SNX19: variants seen among roughly 807,000 people sequenced by gnomAD.
The protein encoded by SNX19 is sorting nexin-19.
In SNX19, 60 loss-of-function variants were observed where a neutral mutation model predicts 85.2. The observed-to-expected ratio is 0.70, with a 90% confidence interval of 0.57 to 0.87. SNX19 has a LOEUF of 0.87. SNX19 is among the 40% of genes least tolerant of loss of function. SNX19 has a pLI of 0.00. For missense variants in SNX19, 1,201 were observed against 1,217.8 expected, an observed-to-expected ratio of 0.99 and a Z score of 0.21; for synonymous variants, 520 against 470.0, an observed-to-expected ratio of 1.11 and a Z score of -1.38.
chr11:130,904,809 A>T (rs575347153), intron 7 of SNX19, among the ~76,000 whole-genome samples: 1 of 152,072 alleles, frequency 6.6e-6, no homozygotes, highest in East Asian at 1.9e-4. Context: ...TACAGGCTGG[A>T]CTTTGCCTAG....
chr11:130,904,573 A>C (rs1375403855), intron 7 of SNX19, among the ~76,000 whole-genome samples: 5 of 152,150 alleles, frequency 3.3e-5, no homozygotes, highest in Non-Finnish European at 5.9e-5. Context: ...CAATTGTATG[A>C]TTCTCTCAGG....
At chr11:130,903,162 T>TA in intron 8 of SNX19, 93 bp downstream of exon 8, 1 of 1,549,682 alleles carries the variant, frequency 6.5e-7, no homozygotes, top group Non-Finnish European at 8.8e-7. Flanking sequence ...TATCTTCTCT[T>TA]ACGGCTGCAG....
In SNX19 at chr11:130,879,679, A is replaced by G. The variant is rs1419691624; in HGVS notation, c.2791T>C (p.Cys931Arg). The G allele has an allele frequency of 5.0e-6, 8 of 1,613,862 alleles. No homozygotes were observed. The South Asian group carries it at 6.6e-5, about 13-fold the overall frequency. ...LVVEILGVNK[C>R]RLSWGLVLES... The stretch of plus-strand genomic sequence containing the variant: ...AGGACTAGACCCCAGCTCAGCCGGC[A>G]TTTGTTCACCCCAAGAATTTCTACT... The change falls in exon 10 of 11, where the codon TGC becomes CGC. Residue 931 changes from cysteine to arginine, a missense_variant. This residue lies in a region of SNX19 where 285 missense variants were observed against 295.3 expected (regional missense o/e 0.97). Transcript: ENST00000265909.
Position 130,915,045 on chromosome 11 carries a change from G to A in SNX19, c.895C>T (p.Gln299Ter), listed in dbSNP as rs1442260576. The stretch of plus-strand genomic sequence containing the variant: ...GGAGAAGCTCTCCCTTCTGGAAGCT[G>A]CTCTACCTCAGCAATCAGTGGCAGA... ...TSLPLIAEVE[Q>*]LPEGRASPVA... The change falls in exon 1 of 11, where the codon CAG becomes TAG. Residue 299 changes from glutamine to a stop codon, truncating the protein, a stop_gained. Transcript: ENST00000265909. LOFTEE classifies it high-confidence loss of function. 1.2e-6 allele frequency: 2 copies of A among 1,614,140 alleles called. No homozygotes were observed. The highest frequency in any genetic ancestry group is 1.7e-6 in the Non-Finnish European group (2 of 1,180,018).
chr11:130,894,705 AG>A (rs1423826529), intron 8 of SNX19: 1 of 985,356 alleles, frequency 1.0e-6, no homozygotes, highest in Admixed American at 6.1e-5. Context: ...ACATTCAGAA[AG>A]AAGCTGGCTA....
chr11:130,868,416 G>GC lies in SNX19; in HGVS notation c.*10005dup, dbSNP rs1304011987. 6.6e-6 allele frequency: 1 copy of GC among 152,154 alleles called. No individual in the cohort carries two copies. Among genetic ancestry groups the GC allele is most frequent in the Non-Finnish European group, 1.5e-5 (1 of 68,054 alleles). 9.4% of individuals were successfully genotyped at this position (152,154 alleles called of 1,614,324 possible). On this transcript the variant is annotated 3_prime_UTR_variant, in exon 11 of 11. Coordinates refer to ENST00000265909, the MANE Select transcript of SNX19 (RefSeq NM_014758.3). ...TTTTTTTTCCTGTGGCGATACAGAG[G>GC]CCCCTTCACCCCAGCAACCAAGAGG... is the stretch of plus-strand genomic sequence containing the variant.
chr11:130,916,006 G>T lies in SNX19; in HGVS notation c.-67C>A, dbSNP rs536443019. 1.9e-5 allele frequency: 27 copies of T among 1,422,112 alleles called. No homozygotes were observed. In the Admixed American group the frequency reaches 4.6e-4, roughly 24 times the overall value. 88.1% of individuals were successfully genotyped at this position (1,422,112 alleles called of 1,614,324 possible). A position where few individuals can be genotyped will look rare whatever the true frequency, so the allele number is the denominator to read the frequency against. On this transcript the variant is annotated 5_prime_UTR_variant, in exon 1 of 11. Transcript: ENST00000265909. ...AGATTTTACTTCAGAGTTAGGGAAG[G>T]GGGGCATGAACTGTGTCTCAGATAT...
intron 6 of SNX19, 129 bp downstream of exon 6, chr11:130,906,496 G>A (rs1004443042): frequency 1.4e-6 from 1 of 717,690 alleles, no homozygotes; most frequent in South Asian, 1.7e-5. Flanking sequence ...ATAAAAGCTG[G>A]AGATCCAAAC....
Position 130,908,101 on chromosome 11 carries a change from G to A in SNX19, c.2035-18C>T, listed in dbSNP as rs1212713599. 1.2e-6 allele frequency: 2 copies of A among 1,612,722 alleles called. No homozygotes were observed. Among genetic ancestry groups the A allele is most frequent in the Non-Finnish European group, 1.7e-6 (2 of 1,179,416 alleles). The stretch of plus-strand genomic sequence containing the variant: ...ACCACCATCTGCAGGGGTCAGAGGT[G>A]CAGGGTCAGTCCATCCACATCCACA... On this transcript the variant is annotated intron_variant, in intron 4 of 10. Coordinates refer to ENST00000265909, the MANE Select transcript of SNX19 (RefSeq NM_014758.3).
rs555744246 is a variant in SNX19, at chr11:130,868,468, T to C, written c.*9954A>G. The C allele has an allele frequency of 1.3e-5, 2 of 152,238 alleles. No homozygotes were observed. The highest frequency in any genetic ancestry group is 4.2e-4 in the South Asian group (2 of 4,816). The allele number at this position is 152,238 out of a possible 1,614,324, so 9.4% of individuals were successfully genotyped here. A position where few individuals can be genotyped will look rare whatever the true frequency, so the allele number is the denominator to read the frequency against. On this transcript the variant is annotated 3_prime_UTR_variant, in exon 11 of 11. Transcript: ENST00000265909. The stretch of plus-strand genomic sequence containing the variant: ...TACAGCTGGATATGTGCTTATGAGA[T>C]GGGTCATAGTTAAGAGCTGCCAGCC...
chr11:130,905,990 T>G lies in SNX19; in HGVS notation c.2406A>C (p.Ala802=), dbSNP rs567811431. Residue 802 remains alanine, a synonymous_variant, in exon 7 of 11, where the codon GCA becomes GCC. Transcript: ENST00000265909. ...TGCTGGGGTCTTGGGCTGGCACGGC[T>G]GCATCTGACACGCAACTGTCCACAC... ...KGRVDSCVSD[A]AVPAQDPSNS... The G allele has an allele frequency of 6.2e-7, 1 of 1,614,254 alleles. No individual in the cohort carries two copies. The highest frequency in any genetic ancestry group is 1.3e-5 in the African/African-American group (1 of 75,074).
At chr11:130,879,474 A>G in intron 10 of SNX19, 150 bp downstream of exon 10, 1 of 616,314 alleles carries the variant, frequency 1.6e-6, no homozygotes, top group South Asian at 2.1e-5. Flanking sequence ...GTGGATCTGG[A>G]CGTCAAACTC....
chr11:130,876,694 A>G lies in SNX19; in HGVS notation c.*1728T>C, dbSNP rs747820868. The G allele has an allele frequency of 6.6e-6, 1 of 152,660 alleles. No homozygotes were observed. The highest frequency in any genetic ancestry group is 1.5e-5 in the Non-Finnish European group (1 of 68,048). The allele number at this position is 152,660 out of a possible 1,614,324, so 9.5% of individuals were successfully genotyped here. A position where few individuals can be genotyped will look rare whatever the true frequency, so the allele number is the denominator to read the frequency against. On this transcript the variant is annotated 3_prime_UTR_variant, in exon 11 of 11. Transcript: ENST00000265909. ...TCTTAGCCCTCACTGAAGGAGCTTA[A>G]TGATCAGCTCTAATACATTGGCTGG...
chr11:130,894,700 C>A (rs1363317426), intron 8 of SNX19: 4 of 985,292 alleles, frequency 4.1e-6, no homozygotes, highest in Non-Finnish European at 4.8e-6. Context: ...AACACACATT[C>A]AGAAAGAAGC....
chr11:130,882,326 C>A (rs752632203), intron 8 of SNX19, among the ~76,000 whole-genome samples: 1 of 152,214 alleles, frequency 6.6e-6, no homozygotes, highest in Non-Finnish European at 1.5e-5. Context: ...CATCACTCCT[C>A]GCTCCTATAC....
intron 7 of SNX19, among the ~76,000 whole-genome samples, chr11:130,904,963 GA>G (rs1212039415): frequency 1.3e-5 from 2 of 152,134 alleles, no homozygotes; most frequent in South Asian, 4.1e-4. Context: ...ATTTTTCACA[GA>G]CTTAAATTGA....
chr11:130,906,629 T>A lies in SNX19; in HGVS notation c.2258A>T (p.Asn753Ile). Residue 753 changes from asparagine to isoleucine, a missense_variant, in exon 6 of 11, where the codon AAT becomes ATT. This residue lies in a region of SNX19 where 285 missense variants were observed against 295.3 expected (regional missense o/e 0.97). Transcript: ENST00000265909. ...DKILYCLQEG[N>I]VESETLSMSA... ...TCTCTGGGTTTTGGTTCTTACCACA[T>A]TGCCTTCCTGGAGACAATAAAGAAT... The A allele has an allele frequency of 1.2e-6, 2 of 1,608,874 alleles. No individual in the cohort carries two copies. The highest frequency in any genetic ancestry group is 1.7e-6 in the Non-Finnish European group (2 of 1,175,754).
rs1946487753 is a variant in SNX19, at chr11:130,915,410, G to A, written c.530C>T (p.Ala177Val). 2.5e-6 allele frequency: 4 copies of A among 1,613,830 alleles called. No homozygotes were observed. The highest frequency in any genetic ancestry group is 3.4e-6 in the Non-Finnish European group (4 of 1,180,010). The part of the protein sequence containing the change: ...QSYIQAKEAT[A>V]GKNGPVEPSH... ...AGGCTCAACTGGACCATTCTTCCCT[G>A]CAGTGGCCTCCTTTGCCTGAATGTA... Residue 177 changes from alanine to valine, a missense_variant, in exon 1 of 11, where the codon GCA becomes GTA. Ala to Val is a moderately conservative substitution (Grantham distance 64). This residue lies in a region of SNX19 where 791 missense variants were observed against 750.9 expected (regional missense o/e 1.05). Transcript: ENST00000265909.
At chr11:130,878,628 T>C (rs1373425126) in intron 10 of SNX19, 74 bp from the exon 11 acceptor site, 1 of 1,533,922 alleles carries the variant, frequency 6.5e-7, no homozygotes, top group Non-Finnish European at 8.8e-7. Flanking sequence ...GACATTTATT[T>C]TCTCCTCCCC....
Sources: gnomAD v4.1 joint callset for allele counts (sites outside exome capture counted in the v4.1 genomes callset) on GRCh38, gnomAD v4.1.1 for gene constraint, gnomAD v4.1.1 regional missense constraint, MANE v1.5 for transcripts, NCBI Gene and HGNC (gene_info 2026-07-23, HGNC 2026-07-21) for gene names.